PCDH9: variants seen among roughly 807,000 people sequenced by gnomAD.
PCDH9 encodes the protein protocadherin-9.
PCDH9 carries 24 observed loss-of-function variants against 70.6 expected under a neutral mutation model. That is an observed-to-expected ratio of 0.34 (90% CI 0.25 to 0.48). PCDH9 has a LOEUF of 0.48. Among genes scored for constraint, PCDH9 ranks in the 20% least tolerant of loss-of-function variants. The probability of loss-of-function intolerance (pLI) is 0.99; values close to 1 mark genes in which losing one functional copy is unlikely to be tolerated. For synonymous variants in PCDH9, 562 were observed against 558.5 expected (o/e 1.01, Z -0.09); for missense variants, 1,281 against 1,503.6 (o/e 0.85, Z 2.45).
chr13:67,194,425 A>C (rs1330187018), intron 2 of PCDH9, among the ~76,000 whole-genome samples: 1 of 151,754 alleles, frequency 6.6e-6, no homozygotes, highest in Non-Finnish European at 1.5e-5. Flanking sequence ...AAAAAACTAC[A>C]TTGTTATCGA....
At chr13:66,977,063 A>C (rs2083634473) in intron 2 of PCDH9, among the ~76,000 whole-genome samples, 1 of 152,062 alleles carries the variant, frequency 6.6e-6, no homozygotes, top group Non-Finnish European at 1.5e-5. Context: ...CTTACCAGAG[A>C]CCTTTAATAG....
chr13:67,016,583 T>C (rs1286127510), intron 2 of PCDH9, among the ~76,000 whole-genome samples: 1 of 152,194 alleles, frequency 6.6e-6, no homozygotes, highest in Non-Finnish European at 1.5e-5. Context: ...AAATCTCCTA[T>C]AAAACTCAGC....
rs199828489 is a variant in PCDH9 at position 67,225,758 on chromosome 13, C to T, written c.2683G>A (p.Ala895Thr). The part of the protein sequence containing the change: ...VTIEESKPDD[A>T]VHEPINGTIS... ...GTCCCATTGATAGGTTCATGAACTG[C>T]ATCATCGGGTTTGGACTCTTCGATA... is the stretch of plus-strand genomic sequence containing the variant. The change falls in exon 2 of 5, where the codon GCA becomes ACA. Residue 895 changes from alanine to threonine, a missense_variant. Ala to Thr is a moderately conservative substitution (Grantham distance 58). Transcript: ENST00000377865. 1,185 of 1,614,054 alleles carry T rather than the reference C, an allele frequency of 7.3e-4. No homozygotes were observed. The highest frequency in any genetic ancestry group is 9.6e-4 in the Non-Finnish European group (1,130 of 1,179,908).
chr13:66,312,546 G>C (rs751972691), intron 4 of PCDH9, among the ~76,000 whole-genome samples: 1 of 151,556 alleles, frequency 6.6e-6, no homozygotes, highest in African/African-American at 2.4e-5. Flanking sequence ...GGGAGATTGA[G>C]GCTGCAGTGA....
chr13:66,532,478 A>G (rs936856242), intron 4 of PCDH9, among the ~76,000 whole-genome samples: 2 of 152,208 alleles, frequency 1.3e-5, no homozygotes, highest in Non-Finnish European at 2.9e-5. Context: ...AAATATTTAA[A>G]CAAAAATTCT....
At chr13:66,691,204 T>G (rs1193189288) in intron 3 of PCDH9, among the ~76,000 whole-genome samples, 1 of 151,964 alleles carries the variant, frequency 6.6e-6, no homozygotes, top group Admixed American at 6.6e-5. Flanking sequence ...GCCTAGCTAA[T>G]TTTTGTATTT....
chr13:66,877,839 G>C (rs1318263359), intron 3 of PCDH9, among the ~76,000 whole-genome samples: 1 of 152,114 alleles, frequency 6.6e-6, no homozygotes. Context: ...ATCTGGCACT[G>C]TATTCTTTTG....
chr13:66,834,051 A>T (rs2139414038), intron 3 of PCDH9, among the ~76,000 whole-genome samples: 1 of 152,136 alleles, frequency 6.6e-6, no homozygotes, highest in Admixed American at 6.6e-5. Flanking sequence ...TTTTTGCAAT[A>T]TGGCACACTT....
In PCDH9 at chr13:67,214,935, GATATATATATAT is replaced by G. The variant is rs66460017; in HGVS notation, c.3036+10458_3036+10469del. 305 of 89,286 alleles carry G rather than the reference GATATATATATAT, an allele frequency of 3.4e-3. 14 individuals are homozygous for G. The highest frequency in any genetic ancestry group is 9.6e-3 in the African/African-American group (215 of 22,504). 5.5% of individuals were successfully genotyped at this position (89,286 alleles called of 1,614,324 possible). On this transcript the variant is annotated intron_variant, in intron 2 of 4. Transcript: ENST00000377865. ...CTGAGTGTCTGGCTATTGCGAGCCA[GATATATATATAT>G]ATATATATATATATATATATATATA... is the stretch of plus-strand genomic sequence containing the variant.
intron 2 of PCDH9, among the ~76,000 whole-genome samples, chr13:67,026,444 C>T (rs1189253490): frequency 1.3e-5 from 2 of 152,086 alleles, no homozygotes; most frequent in East Asian, 3.9e-4. Context: ...ATGACATACC[C>T]ACAGCCCATA....
intron 4 of PCDH9, among the ~76,000 whole-genome samples, chr13:66,612,922 C>T (rs780804790): frequency 3.9e-5 from 6 of 152,220 alleles, no homozygotes; most frequent in Non-Finnish European, 7.4e-5. Context: ...CAAAGTACCC[C>T]ATCTTTAGTT....
chr13:66,957,544 C>T (rs1056841977), intron 2 of PCDH9, among the ~76,000 whole-genome samples: 14 of 152,110 alleles, frequency 9.2e-5, no homozygotes, highest in Non-Finnish European at 2.1e-4. Context: ...AAATGAAAGC[C>T]CTAACCCTCC....
chr13:66,347,442 T>C (rs1365828241), intron 4 of PCDH9, among the ~76,000 whole-genome samples: 2 of 152,036 alleles, frequency 1.3e-5, no homozygotes, highest in African/African-American at 4.8e-5. Flanking sequence ...AATGTCAGAT[T>C]AGGAAGAAAT....
intron 4 of PCDH9, among the ~76,000 whole-genome samples, chr13:66,579,913 T>C (rs987905794): frequency 2.0e-5 from 3 of 152,082 alleles, no homozygotes; most frequent in African/African-American, 7.2e-5. Flanking sequence ...AGTGAGCTGA[T>C]ACTGGAGATA....
chr13:66,828,810 A>AAAAAAAAAAAAAAAAT (rs71207607), intron 3 of PCDH9, among the ~76,000 whole-genome samples: 47 of 148,662 alleles, frequency 3.2e-4, no homozygotes, highest in African/African-American at 1.2e-3. Context: ...GCCATACATA[A>AAAAAAAAAAAAAAAAT]AATAATAATA....
chr13:67,168,694 G>A (rs2088193168), intron 2 of PCDH9, among the ~76,000 whole-genome samples: 1 of 151,950 alleles, frequency 6.6e-6, no homozygotes, highest in Admixed American at 6.6e-5. Flanking sequence ...TCAGGCCACT[G>A]CAGTCCAGCC....
intron 3 of PCDH9, among the ~76,000 whole-genome samples, chr13:66,796,253 T>C (rs1380644142): frequency 1.3e-5 from 2 of 152,140 alleles, no homozygotes; most frequent in Non-Finnish European, 2.9e-5. Flanking sequence ...GCCAGCTCCA[T>C]TTATATACAG....
At chr13:66,947,073 A>G (rs1474284559) in intron 2 of PCDH9, among the ~76,000 whole-genome samples, 2 of 152,156 alleles carry the variant, frequency 1.3e-5, no homozygotes, top group Non-Finnish European at 2.9e-5. Context: ...GGTGTGTTCA[A>G]TTACAAGTTT....
intron 4 of PCDH9, among the ~76,000 whole-genome samples, chr13:66,524,120 C>T (rs1383796460): frequency 2.0e-5 from 3 of 151,068 alleles, no homozygotes; most frequent in Non-Finnish European, 3.0e-5. Flanking sequence ...CTTTTTGCCA[C>T]GATTAGCTTT....
Sources: gnomAD v4.1 joint callset for allele counts (sites outside exome capture counted in the v4.1 genomes callset) on GRCh38, gnomAD v4.1.1 for gene constraint, MANE v1.5 for transcripts, NCBI Gene and HGNC (gene_info 2026-07-23, HGNC 2026-07-21) for gene names.